C1QTNF3: variants seen among roughly 807,000 people sequenced by gnomAD.
C1QTNF3 encodes the protein C1q and TNF related 3, also known as complement C1q tumor necrosis factor-related protein 3.
In C1QTNF3, 26 loss-of-function variants were observed where a neutral mutation model predicts 32.6. The ratio of observed to expected loss-of-function variants is 0.80; its 90% confidence interval spans 0.58 to 1.11. The LOEUF is 1.11. C1QTNF3 is among the 50% of genes least tolerant of loss of function. The probability of loss-of-function intolerance (pLI) is 0.00; values close to 1 mark genes in which losing one functional copy is unlikely to be tolerated. For synonymous variants in C1QTNF3, 155 were observed against 146.0 expected (o/e 1.06, Z -0.44); for missense variants, 362 against 398.2 (o/e 0.91, Z 0.77).
the C1QTNF3 span, among the ~76,000 whole-genome samples, chr5:34,125,857 A>G: frequency 1.1e-4 from 17 of 152,322 alleles, no homozygotes; most frequent in African/African-American, 3.6e-4. Context: ...TTAATAGTCA[A>G]TACTAAATTT....
At chr5:34,215,056 T>A in the C1QTNF3 span, among the ~76,000 whole-genome samples, 5 of 152,182 alleles carry the variant, frequency 3.3e-5, no homozygotes, top group South Asian at 2.1e-4. Flanking sequence ...AAAAAATGAA[T>A]AATAGACACA....
chr5:34,125,634 C>T, the C1QTNF3 span, among the ~76,000 whole-genome samples: 1 of 152,032 alleles, frequency 6.6e-6, no homozygotes, highest in Non-Finnish European at 1.5e-5. Context: ...CATTTCTAAA[C>T]ATTCATGAAT....
At chr5:34,074,934 A>C in the C1QTNF3 span, among the ~76,000 whole-genome samples, 1 of 151,834 alleles carries the variant, frequency 6.6e-6, no homozygotes, top group Non-Finnish European at 1.5e-5. Context: ...ATTGTAGGCT[A>C]TTTGAAAGTG....
At chr5:34,115,086 T>C in the C1QTNF3 span, among the ~76,000 whole-genome samples, 3 of 152,168 alleles carry the variant, frequency 2.0e-5, no homozygotes, top group Non-Finnish European at 2.9e-5. Flanking sequence ...ATTTTCAAAA[T>C]TATAAATAAT....
At chr5:34,031,377 C>G (rs1452794319) in intron 3 of C1QTNF3, among the ~76,000 whole-genome samples, 1 of 152,136 alleles carries the variant, frequency 6.6e-6, no homozygotes, top group African/African-American at 2.4e-5. Flanking sequence ...CTCTAGGGCC[C>G]CTTCTCCGTG....
At chr5:34,039,945 A>G (rs184460020) in intron 1 of C1QTNF3, among the ~76,000 whole-genome samples, 12 of 152,324 alleles carry the variant, frequency 7.9e-5, no homozygotes, top group Non-Finnish European at 1.2e-4. Context: ...TGCCACCAGA[A>G]CAGTGAGAGA....
At chr5:34,051,670 A>T in the C1QTNF3 span, among the ~76,000 whole-genome samples, 1 of 152,214 alleles carries the variant, frequency 6.6e-6, no homozygotes, top group Admixed American at 6.5e-5. Context: ...AAGGCAGGGT[A>T]CTTCCTCTAC....
the C1QTNF3 span, among the ~76,000 whole-genome samples, chr5:34,108,395 C>G: frequency 6.6e-6 from 1 of 152,110 alleles, no homozygotes; most frequent in African/African-American, 2.4e-5. Flanking sequence ...TTATTGTGCT[C>G]TCCCCGTGCT....
At chr5:34,144,639 T>C in the C1QTNF3 span, among the ~76,000 whole-genome samples, 2 of 152,102 alleles carry the variant, frequency 1.3e-5, no homozygotes, top group East Asian at 3.9e-4. Flanking sequence ...CTCTCAAAAT[T>C]ACACAAATAC....
chr5:34,170,025 A>G, the C1QTNF3 span, among the ~76,000 whole-genome samples: 1 of 152,232 alleles, frequency 6.6e-6, no homozygotes, highest in African/African-American at 2.4e-5. Context: ...ATATATGGAA[A>G]TGACCCATGT....
chr5:34,226,897 T>G, the C1QTNF3 span, among the ~76,000 whole-genome samples: 7 of 151,682 alleles, frequency 4.6e-5, no homozygotes, highest in African/African-American at 1.4e-4. Context: ...TTTACAATCC[T>G]GTGTTTACAA....
chr5:34,223,421 G>C, the C1QTNF3 span, among the ~76,000 whole-genome samples: 1 of 146,708 alleles, frequency 6.8e-6, no homozygotes, highest in East Asian at 2.1e-4. Flanking sequence ...GTCTATCATT[G>C]TTGGACATTT....
chr5:34,138,073 C>G, the C1QTNF3 span, among the ~76,000 whole-genome samples: 1 of 152,152 alleles, frequency 6.6e-6, no homozygotes, highest in Non-Finnish European at 1.5e-5. Flanking sequence ...CGTGAACACA[C>G]AGCAAGAAGG....
chr5:34,025,233 T>A (rs1203895593), intron 4 of C1QTNF3, among the ~76,000 whole-genome samples: 1 of 152,268 alleles, frequency 6.6e-6, no homozygotes, highest in African/African-American at 2.4e-5. Context: ...TATATGTGTT[T>A]AGTTTTTCAC....
the C1QTNF3 span, among the ~76,000 whole-genome samples, chr5:34,143,677 A>G: frequency 6.6e-6 from 1 of 152,210 alleles, no homozygotes; most frequent in Non-Finnish European, 1.5e-5. Context: ...TTCATATCCC[A>G]CCAAACTAAA....
At chr5:34,231,419 T>C in the C1QTNF3 span, among the ~76,000 whole-genome samples, 30 of 152,336 alleles carry the variant, frequency 2.0e-4, no homozygotes, top group Admixed American at 1.4e-3. Context: ...ATGTACATTC[T>C]AGAGAAATAC....
At chr5:34,084,293 G>C in the C1QTNF3 span, among the ~76,000 whole-genome samples, 1 of 151,710 alleles carries the variant, frequency 6.6e-6, no homozygotes. Flanking sequence ...GTCTGAAATC[G>C]AGTTTTTCTG....
chr5:34,028,096 C>T (rs902553361), intron 4 of C1QTNF3, among the ~76,000 whole-genome samples: 2 of 152,164 alleles, frequency 1.3e-5, no homozygotes, highest in Non-Finnish European at 2.9e-5. Context: ...CCTCAGCCTC[C>T]TGAGTAGCTG....
the C1QTNF3 span, among the ~76,000 whole-genome samples, chr5:34,120,101 T>C: frequency 6.6e-6 from 1 of 152,182 alleles, no homozygotes. Flanking sequence ...AAAGTCCTGT[T>C]TAAGTCACCT....
Sources: gnomAD v4.1 joint callset for allele counts (sites outside exome capture counted in the v4.1 genomes callset) on GRCh38, gnomAD v4.1.1 for gene constraint, MANE v1.5 for transcripts, NCBI Gene and HGNC (gene_info 2026-07-23, HGNC 2026-07-21) for gene names.